The following C12orf42 variants were observed in gnomAD, a reference collection of about 807,000 sequenced individuals.
C12orf42 encodes the protein chromosome 12 open reading frame 42, also known as uncharacterized protein C12orf42.
C12orf42 carries 25 observed loss-of-function variants against 21.6 expected under a neutral mutation model. The ratio of observed to expected loss-of-function variants is 1.16; its 90% confidence interval spans 0.84 to 1.62. The LOEUF (loss-of-function observed/expected upper bound fraction) is 1.62, where lower values mean the gene tolerates loss of function less well. Ranked by LOEUF, C12orf42 falls within the 40% of genes most tolerant of loss-of-function variation. The pLI is 0.00. For missense variants in C12orf42, 483 were observed against 459.3 expected, an observed-to-expected ratio of 1.05 and a Z score of -0.47; for synonymous variants, 174 against 175.0, an observed-to-expected ratio of 0.99 and a Z score of 0.05.
chr12:103,258,438 C>T (rs1565999698), intron 10 of C12orf42, among the ~76,000 whole-genome samples: 3 of 152,028 alleles, frequency 2.0e-5, no homozygotes, highest in African/African-American at 7.2e-5. Flanking sequence ...ACCCCATCAC[C>T]ACATCACCAT....
At chr12:103,322,123 GCGCACACACA>G (rs1445175368) in intron 4 of C12orf42, among the ~76,000 whole-genome samples, 5,253 of 119,154 alleles carry the variant, frequency 0.044, 323 homozygotes, top group African/African-American at 0.16. Context: ...GCGCGCGCGC[GCGCACACACA>G]CACACACACA....
intron 2 of C12orf42, among the ~76,000 whole-genome samples, chr12:103,406,850 A>G (rs909318383): frequency 1.3e-5 from 2 of 152,192 alleles, no homozygotes; most frequent in African/African-American, 4.8e-5. Context: ...AAAAGAAAAA[A>G]AAAATCCAGT....
At chr12:103,424,315 C>T (rs1199130969) in intron 2 of C12orf42, among the ~76,000 whole-genome samples, 2 of 152,240 alleles carry the variant, frequency 1.3e-5, no homozygotes, top group Non-Finnish European at 1.5e-5. Context: ...TGTCTTCATT[C>T]ATTTGTGATG....
chr12:103,269,441 A>G, intron 6 of C12orf42, among the ~76,000 whole-genome samples: 1 of 152,132 alleles, frequency 6.6e-6, no homozygotes, highest in East Asian at 1.9e-4. Flanking sequence ...AGAAGAATAA[A>G]AAGAATAACA....
the C12orf42 span, among the ~76,000 whole-genome samples, chr12:103,218,166 A>G: frequency 6.6e-6 from 1 of 151,782 alleles, no homozygotes; most frequent in East Asian, 1.9e-4. Context: ...TGTAATCCCA[A>G]CTACTCAAGA....
the C12orf42 span, among the ~76,000 whole-genome samples, chr12:103,219,940 T>C: frequency 6.6e-6 from 1 of 152,190 alleles, no homozygotes; most frequent in Non-Finnish European, 1.5e-5. Flanking sequence ...TAAATCATCC[T>C]ACTATAAAGA....
intron 2 of C12orf42, among the ~76,000 whole-genome samples, chr12:103,433,046 T>C (rs1248906600): frequency 6.6e-6 from 1 of 152,194 alleles, no homozygotes; most frequent in Non-Finnish European, 1.5e-5. Context: ...ATAAACTTGC[T>C]TTACATTTCA....
At chr12:103,332,530 T>C (rs926402372) in intron 4 of C12orf42, among the ~76,000 whole-genome samples, 3 of 152,258 alleles carry the variant, frequency 2.0e-5, no homozygotes, top group Non-Finnish European at 2.9e-5. Context: ...CCATGTTTGA[T>C]TTTCTTTAAT....
chr12:103,530,629 G>GGT, the C12orf42 span, among the ~76,000 whole-genome samples: 1 of 152,054 alleles, frequency 6.6e-6, no homozygotes, highest in Non-Finnish European at 1.5e-5. Context: ...AAGTGTTCGG[G>GGT]GGGGGAAAAC....
chr12:103,099,066 T>TA, the C12orf42 span, among the ~76,000 whole-genome samples: 7 of 151,840 alleles, frequency 4.6e-5, no homozygotes, highest in South Asian at 2.1e-4. Flanking sequence ...ATGTAGATAA[T>TA]AAAAAAAAAT....
chr12:103,275,424 A>G (rs2035707855), intron 5 of C12orf42, among the ~76,000 whole-genome samples: 1 of 152,146 alleles, frequency 6.6e-6, no homozygotes, highest in South Asian at 2.1e-4. Context: ...GCACAAACCT[A>G]TGAAATACAT....
downstream of C12orf42, among the ~76,000 whole-genome samples, chr12:103,299,986 A>G: frequency 6.6e-6 from 1 of 152,334 alleles, no homozygotes; most frequent in East Asian, 1.9e-4. Context: ...CACTGCTCCA[A>G]GGAAGAAAAG....
intron 4 of C12orf42, among the ~76,000 whole-genome samples, chr12:103,310,205 T>C (rs1419055117): frequency 6.6e-6 from 1 of 152,170 alleles, no homozygotes; most frequent in African/African-American, 2.4e-5. Flanking sequence ...TGAGTTATCC[T>C]GAGATTTGGT....
intron 4 of C12orf42, among the ~76,000 whole-genome samples, chr12:103,281,938 A>AGAAC (rs2036158417): frequency 6.6e-6 from 1 of 151,812 alleles, no homozygotes; most frequent in Non-Finnish European, 1.5e-5. Flanking sequence ...AAAGAAAGAA[A>AGAAC]GAAAGAAAGA....
chr12:103,283,167 C>A (rs949646118), intron 4 of C12orf42, among the ~76,000 whole-genome samples: 1 of 152,162 alleles, frequency 6.6e-6, no homozygotes, highest in Non-Finnish European at 1.5e-5. Flanking sequence ...TGTAAAAGCT[C>A]CCTAGCATTT....
chr12:103,154,025 C>CAAAAAAA, the C12orf42 span, among the ~76,000 whole-genome samples: 473 of 51,488 alleles, frequency 9.2e-3, 4 homozygotes, highest in East Asian at 0.021. Context: ...CAAATCTCAG[C>CAAAAAAA]AAAAAAAAAA....
At chr12:103,131,751 G>A in the C12orf42 span, among the ~76,000 whole-genome samples, 1 of 152,170 alleles carries the variant, frequency 6.6e-6, no homozygotes, top group East Asian at 1.9e-4. Context: ...CAGTAATATT[G>A]TTCTTGATGG....
chr12:103,235,476 A>G (rs983039162), downstream of C12orf42, among the ~76,000 whole-genome samples: 3 of 152,150 alleles, frequency 2.0e-5, no homozygotes, highest in Non-Finnish European at 4.4e-5. Context: ...GTAAATACCA[A>G]TCGGTCATGG....
At chr12:103,066,050 C>G in the C12orf42 span, among the ~76,000 whole-genome samples, 1 of 152,288 alleles carries the variant, frequency 6.6e-6, no homozygotes, top group South Asian at 2.1e-4. Flanking sequence ...GGCAGGCCCC[C>G]CTAGGTGAAT....
Sources: gnomAD v4.1 joint callset for allele counts (sites outside exome capture counted in the v4.1 genomes callset) on GRCh38, gnomAD v4.1.1 for gene constraint, MANE v1.5 for transcripts, NCBI Gene and HGNC (gene_info 2026-07-23, HGNC 2026-07-21) for gene names.